The following PDCD6IP variants were observed in gnomAD, a reference collection of about 807,000 sequenced individuals.
PDCD6IP encodes the protein programmed cell death 6-interacting protein.
PDCD6IP carries 43 observed loss-of-function variants against 103.7 expected under a neutral mutation model. The observed-to-expected ratio is 0.41, with a 90% confidence interval of 0.32 to 0.53. The LOEUF (loss-of-function observed/expected upper bound fraction) is 0.53, where lower values mean the gene tolerates loss of function less well. PDCD6IP is among the 20% of genes least tolerant of loss of function. PDCD6IP has a pLI of 0.16. For synonymous variants in PDCD6IP, 354 were observed against 378.7 expected (o/e 0.93, Z 0.76); for missense variants, 871 against 1,036.7 (o/e 0.84, Z 2.20).
chr3:33,814,324 G>A (rs1300356596), intron 3 of PDCD6IP, among the ~76,000 whole-genome samples: 1 of 151,604 alleles, frequency 6.6e-6, no homozygotes, highest in Non-Finnish European at 1.5e-5. Context: ...TAGTAGAGAC[G>A]GGGTTTCACC....
At chr3:33,829,331 T>C (rs915574517) in intron 7 of PDCD6IP, among the ~76,000 whole-genome samples, 2 of 152,184 alleles carry the variant, frequency 1.3e-5, no homozygotes, top group African/African-American at 2.4e-5. Flanking sequence ...TTCAGTTCTC[T>C]TTTTTGGTCA....
intron 7 of PDCD6IP, chr3:33,835,153 G>A (rs772981146): frequency 6.7e-6 from 3 of 450,912 alleles, no homozygotes; most frequent in Non-Finnish European, 1.3e-5. Context: ...AAATTTGTAT[G>A]CGGCTTATGT....
intron 6 of PDCD6IP, 87 bp from the exon 7 acceptor site, chr3:33,828,766 T>G: frequency 4.1e-6 from 6 of 1,468,772 alleles, no homozygotes; most frequent in South Asian, 1.2e-5. Flanking sequence ...AATTTCTGTC[T>G]TCTTTTCCTT....
chr3:33,867,752 C>T lies in PDCD6IP; in HGVS notation c.*1227C>T, dbSNP rs1182367731. 1 of 152,192 alleles carries T rather than the reference C, an allele frequency of 6.6e-6. No homozygotes were observed. Among genetic ancestry groups the T allele is most frequent in the Non-Finnish European group, 1.5e-5 (1 of 68,022 alleles). The allele number at this position is 152,192 out of a possible 1,614,324, so 9.4% of individuals were successfully genotyped here. Reference sequence around the variant, plus strand: ...GAGTTGTCTAACATCACAGTGGGATCTGTTTTTTGTGAGGTTCATTTCTGA... The same window carrying T: ...GAGTTGTCTAACATCACAGTGGGATTTGTTTTTTGTGAGGTTCATTTCTGA... On this transcript the variant is annotated 3_prime_UTR_variant, in exon 18 of 18. Transcript: ENST00000307296.
chr3:33,814,823 AAT>A (rs1244106466), intron 3 of PDCD6IP, among the ~76,000 whole-genome samples: 1 of 138,138 alleles, frequency 7.2e-6, no homozygotes, highest in Admixed American at 7.9e-5. Context: ...TAGTATATAT[AAT>A]ATGTATACTA....
chr3:33,841,598 C>T (rs1697475497), intron 9 of PDCD6IP, among the ~76,000 whole-genome samples: 3 of 151,268 alleles, frequency 2.0e-5, no homozygotes, highest in Admixed American at 1.3e-4. Context: ...GCCACCACGC[C>T]CGGCTAATTT....
chr3:33,809,812 G>C (rs1696677733), intron 1 of PDCD6IP, among the ~76,000 whole-genome samples: 1 of 152,102 alleles, frequency 6.6e-6, no homozygotes, highest in Non-Finnish European at 1.5e-5. Context: ...TGACATTTTT[G>C]AAGAGTACAG....
intron 1 of PDCD6IP, among the ~76,000 whole-genome samples, chr3:33,806,560 G>A (rs1696602665): frequency 6.6e-6 from 1 of 152,190 alleles, no homozygotes; most frequent in Non-Finnish European, 1.5e-5. Context: ...TTTCCACAAT[G>A]TGCTAGTTTT....
chr3:33,844,874 A>G (rs75335713), intron 11 of PDCD6IP, among the ~76,000 whole-genome samples: 16,593 of 152,184 alleles, frequency 0.11, 985 homozygotes, highest in African/African-American at 0.14. Flanking sequence ...TGGTAAAAAA[A>G]AAAATGAGCT....
chr3:33,799,207 T>C (rs1217997161), intron 1 of PDCD6IP: 1 of 430,588 alleles, frequency 2.3e-6, no homozygotes, highest in Non-Finnish European at 4.1e-6. Context: ...AGCAGCAGTC[T>C]GCCCTGTACT....
At position 33,818,379 on chromosome 3, in the gene PDCD6IP, A is replaced by G. The variant is rs1028540209; in HGVS notation, c.335-3576A>G. On this transcript the variant is annotated intron_variant, in intron 3 of 17. Transcript: ENST00000307296. ...CACCTTGCCTTCCCAAAGTGCTGGG[A>G]TTACAGGTGTGAGCCACCACGCCTG... Among the ~76,000 whole-genome samples the G allele has an allele frequency of 2.0e-5, 3 of 151,766 alleles. No individual in the cohort carries two copies. The South Asian group carries it at 6.2e-4, about 32-fold the overall frequency.
intron 15 of PDCD6IP, among the ~76,000 whole-genome samples, chr3:33,861,542 A>G (rs1044502368): frequency 2.0e-5 from 3 of 152,232 alleles, no homozygotes; most frequent in Non-Finnish European, 2.9e-5. Context: ...TAGACAGTAC[A>G]TGCTTTTGGT....
Position 33,869,301 on chromosome 3 carries a change from A to T in PDCD6IP, c.*2776A>T, listed in dbSNP as rs1264120157. 6.6e-6 allele frequency: 1 copy of T among 152,216 alleles called. No homozygotes were observed. The highest frequency in any genetic ancestry group is 1.9e-4 in the East Asian group (1 of 5,200). The allele number at this position is 152,216 out of a possible 1,614,324, so 9.4% of individuals were successfully genotyped here. The stretch of plus-strand genomic sequence containing the variant: ...AGCATCTCTTGAAGAATCTTGCTAC[A>T]GCCAAATGGCATCTCACTTTTTAAA... On this transcript the variant is annotated 3_prime_UTR_variant, in exon 18 of 18. Transcript: ENST00000307296.
At position 33,802,251 on chromosome 3, in the gene PDCD6IP, A is replaced by G. The variant is rs946445927; in HGVS notation, c.209+3314A>G. Among the ~76,000 whole-genome samples the G allele has an allele frequency of 3.5e-4, 53 of 152,134 alleles. 2 individuals carry two copies. The highest frequency in any genetic ancestry group is 1.3e-4 in the Admixed American group (2 of 15,282). ...TCGCCCTTTAGGGTGTTTCCTGGCA[A>G]CTGTTCCACAACACCCTGCCTATAT... On this transcript the variant is annotated intron_variant, in intron 1 of 17. Transcript: ENST00000307296.
At chr3:33,823,866 A>G (rs757729167) in intron 4 of PDCD6IP, among the ~76,000 whole-genome samples, 6 of 152,220 alleles carry the variant, frequency 3.9e-5, no homozygotes, top group African/African-American at 4.8e-5. Flanking sequence ...GTTAGTTAGT[A>G]TATGAGATTT....
At chr3:33,841,176 C>T (rs1373895700) in intron 9 of PDCD6IP, among the ~76,000 whole-genome samples, 2 of 151,592 alleles carry the variant, frequency 1.3e-5, no homozygotes, top group Admixed American at 6.6e-5. Context: ...TATAGGTGCT[C>T]ACCACTACGC....
intron 10 of PDCD6IP, 66 bp downstream of exon 10, chr3:33,842,140 G>A: frequency 1.0e-6 from 1 of 981,902 alleles, no homozygotes; most frequent in Non-Finnish European, 1.6e-6. Context: ...AGCAGGGATT[G>A]GGACTGGAGA....
At chr3:33,836,307 CTAGTT>C (rs1365114220) in intron 8 of PDCD6IP, 41 bp downstream of exon 8, 1 of 1,130,094 alleles carries the variant, frequency 8.8e-7, no homozygotes. Flanking sequence ...TCATTTTTCT[CTAGTT>C]TACTCTGTTT....
intron 12 of PDCD6IP, among the ~76,000 whole-genome samples, chr3:33,849,281 T>G (rs1016387639): frequency 3.3e-5 from 5 of 152,234 alleles, no homozygotes; most frequent in Admixed American, 6.5e-5. Context: ...CACAGGACTT[T>G]TACATTTGCG....
Sources: gnomAD v4.1 joint callset for allele counts (sites outside exome capture counted in the v4.1 genomes callset) on GRCh38, gnomAD v4.1.1 for gene constraint, MANE v1.5 for transcripts, NCBI Gene and HGNC (gene_info 2026-07-23, HGNC 2026-07-21) for gene names.